Variants in STAB2 observed in about 807,000 individuals in gnomAD.
STAB2 encodes the protein stabilin-2.
A neutral mutation model predicts 338.1 loss-of-function variants in STAB2; 288 were observed. The ratio of observed to expected loss-of-function variants is 0.85; its 90% confidence interval spans 0.77 to 0.94. The LOEUF is 0.94. Ranked by LOEUF, STAB2 falls within the 40% of genes least tolerant of loss-of-function variation. The probability of loss-of-function intolerance (pLI) is 0.00; values close to 1 mark genes in which losing one functional copy is unlikely to be tolerated. For synonymous variants in STAB2, 1,202 were observed against 1,193.3 expected, an observed-to-expected ratio of 1.01 and a Z score of -0.15; for missense variants, 3,141 against 3,210.1, an observed-to-expected ratio of 0.98 and a Z score of 0.52.
rs568267506 is a variant in STAB2 at position 103,609,481 on chromosome 12, C to T, written c.332-10987C>T. ...ATGGGAGTTCACTCATGATTTGGCT[C>T]TCTGTTTGTCTGTTATTGGAGTATA... On this transcript the variant is annotated intron_variant, in intron 3 of 68. Coordinates refer to ENST00000388887, the MANE Select transcript of STAB2 (RefSeq NM_017564.10). 7.2e-3 allele frequency among the ~76,000 whole-genome samples: 1,097 copies of T among 152,206 alleles called. 18 individuals are homozygous for T. Among genetic ancestry groups the T allele is most frequent in the African/African-American group, 0.025 (1,058 of 41,514 alleles).
chr12:103,639,301 T>C (rs1037954486), intron 8 of STAB2, among the ~76,000 whole-genome samples: 1 of 152,176 alleles, frequency 6.6e-6, no homozygotes, highest in Non-Finnish European at 1.5e-5. Context: ...ATTTTTCACA[T>C]TTTGGGCTGG....
intron 31 of STAB2, among the ~76,000 whole-genome samples, chr12:103,694,315 C>G (rs970014830): frequency 2.6e-5 from 4 of 152,168 alleles, no homozygotes; most frequent in Non-Finnish European, 2.9e-5. Flanking sequence ...CAAGTTCTAT[C>G]AGGCCTTCTC....
chr12:103,667,554 A>G (rs1183336610), intron 19 of STAB2, among the ~76,000 whole-genome samples: 2 of 151,922 alleles, frequency 1.3e-5, no homozygotes, highest in African/African-American at 4.8e-5. Context: ...GAGGGAAAAG[A>G]AAGGGAAATT....
In STAB2 at chr12:103,638,143, C is replaced by A. The variant is rs371413107; in HGVS notation, c.837C>A (p.Asp279Glu). Reference sequence around the variant, plus strand: ...ATGGCCAAGTGTGCTTGCCTGTGGACCCCTGCCAAATTAACTTTGGAAACT... The same window carrying A: ...ATGGCCAAGTGTGCTTGCCTGTGGAACCCTGCCAAATTAACTTTGGAAACT... ...RGDGQVCLPV[D>E]PCQINFGNCP... The change falls in exon 8 of 69, where the codon GAC becomes GAA. Residue 279 changes from aspartate to glutamate, a missense_variant. Transcript: ENST00000388887. 26 of 1,614,190 alleles carry A rather than the reference C, an allele frequency of 1.6e-5. No homozygotes were observed. The highest frequency in any genetic ancestry group is 2.7e-5 in the African/African-American group (2 of 75,044).
intron 57 of STAB2, 172 bp from the exon 58 acceptor site, chr12:103,746,425 C>T (rs1883037626): frequency 1.6e-6 from 1 of 616,624 alleles, no homozygotes; most frequent in South Asian, 2.0e-5. Context: ...ATTCTAGAAT[C>T]CCAGAATCTC....
At chr12:103,656,969 A>G (rs918824101) in intron 15 of STAB2, among the ~76,000 whole-genome samples, 6 of 151,528 alleles carry the variant, frequency 4.0e-5, no homozygotes. Context: ...TACAGGCGTG[A>G]GCCACCGCGC....
rs778272858 is a variant in STAB2, at chr12:103,587,521, A to G, written c.45A>G (p.Val15=). ...HLVIFCLGLV[V]QNFCSPAETT... ...TAATTTTTTGTCTTGGATTGGTTGT[A>G]CAAAATTTCTGCTCCCCAGCTGAAA... is the stretch of plus-strand genomic sequence containing the variant. The change falls in exon 1 of 69, where the codon GTA becomes GTG. Residue 15 remains valine, a synonymous_variant. Coordinates refer to ENST00000388887, the MANE Select transcript of STAB2 (RefSeq NM_017564.10). The G allele has an allele frequency of 1.2e-6, 2 of 1,614,138 alleles. No individual in the cohort carries two copies. Among genetic ancestry groups the G allele is most frequent in the South Asian group, 2.2e-5 (2 of 91,068 alleles).
chr12:103,590,135 G>T (rs532075718), intron 1 of STAB2, among the ~76,000 whole-genome samples: 6 of 152,228 alleles, frequency 3.9e-5, no homozygotes, highest in African/African-American at 1.2e-4. Context: ...AGCAACAGGG[G>T]ATCCTAAAGA....
intron 7 of STAB2, 80 bp downstream of exon 7, chr12:103,637,316 CCTT>C: frequency 2.6e-6 from 4 of 1,525,562 alleles, no homozygotes; most frequent in Non-Finnish European, 3.5e-6. Flanking sequence ...CTCACAACCT[CCTT>C]AACACAATGA....
rs1290286417 is a variant in STAB2 at position 103,750,609 on chromosome 12, T to C, written c.6469T>C (p.Tyr2157His). 3.1e-6 allele frequency: 5 copies of C among 1,614,182 alleles called. No homozygotes were observed. The highest frequency in any genetic ancestry group is 1.7e-5 in the Admixed American group (1 of 60,032). ...GCACAAGTGTGAGTGTAAAAGTCAC[T>C]ATGTCGGAGATGGGCTGAACTGTGA... ...GKHKCECKSH[Y>H]VGDGLNCEPE... Residue 2157 changes from tyrosine (Y) to histidine (H), a missense_variant, in exon 60 of 69, where the codon TAT (tyrosine) becomes CAT (histidine). Physicochemically the swap from Tyr to His is moderately conservative, Grantham distance 83. Transcript: ENST00000388887.
intron 44 of STAB2, among the ~76,000 whole-genome samples, chr12:103,722,367 T>C (rs1214499759): frequency 1.3e-5 from 2 of 152,130 alleles, no homozygotes; most frequent in Non-Finnish European, 2.9e-5. Flanking sequence ...GTCACCTATG[T>C]TGAGAGAAGA....
chr12:103,674,279 A>G (rs1450223983), intron 23 of STAB2, among the ~76,000 whole-genome samples, 192 bp downstream of exon 23: 1 of 151,964 alleles, frequency 6.6e-6, no homozygotes, highest in Non-Finnish European at 1.5e-5. Context: ...CAATTGCAGC[A>G]CTCCCTGCTT....
At chr12:103,736,980 G>A (rs1345101759) in intron 52 of STAB2, among the ~76,000 whole-genome samples, 1 of 152,150 alleles carries the variant, frequency 6.6e-6, no homozygotes, top group Non-Finnish European at 1.5e-5. Context: ...TATCTCCAAA[G>A]CCCAGTTGAT....
At chr12:103,645,825 C>A (rs1193870984) in intron 9 of STAB2, among the ~76,000 whole-genome samples, 1 of 151,950 alleles carries the variant, frequency 6.6e-6, no homozygotes, top group Non-Finnish European at 1.5e-5. Flanking sequence ...TAAGTAGATC[C>A]CCATCTCGGT....
chr12:103,649,856 G>A (rs959680948), intron 10 of STAB2, among the ~76,000 whole-genome samples: 1 of 151,906 alleles, frequency 6.6e-6, no homozygotes, highest in Non-Finnish European at 1.5e-5. Context: ...TTGCAGACCA[G>A]GCCCTCCAAC....
At chr12:103,758,568 A>G (rs1884305540) in intron 64 of STAB2, among the ~76,000 whole-genome samples, 1 of 152,160 alleles carries the variant, frequency 6.6e-6, no homozygotes, top group Non-Finnish European at 1.5e-5. Context: ...AGGGAGTGAG[A>G]GAGGCGAGAG....
intron 46 of STAB2, among the ~76,000 whole-genome samples, chr12:103,726,597 T>C (rs899748777): frequency 6.6e-6 from 1 of 152,154 alleles, no homozygotes; most frequent in Non-Finnish European, 1.5e-5. Context: ...TCTAGAATTT[T>C]CTACATAAGA....
chr12:103,647,772 A>G (rs2138718677), intron 9 of STAB2, among the ~76,000 whole-genome samples: 1 of 152,364 alleles, frequency 6.6e-6, no homozygotes, highest in South Asian at 2.1e-4. Context: ...TTAAACATTT[A>G]TCAGCATACC....
chr12:103,639,000 C>T (rs1957597233), intron 8 of STAB2, among the ~76,000 whole-genome samples: 1 of 152,226 alleles, frequency 6.6e-6, no homozygotes, highest in African/African-American at 2.4e-5. Flanking sequence ...AGAATCCACC[C>T]AACCTTGCCT....
Sources: allele counts gnomAD v4.1 joint callset (sites outside exome capture counted in the v4.1 genomes callset), GRCh38; gene constraint gnomAD v4.1.1; transcripts MANE v1.5; gene names NCBI Gene and HGNC (gene_info 2026-07-23, HGNC 2026-07-21).